The following WWC2 variants were observed in gnomAD, a reference collection of about 807,000 sequenced individuals.
The protein encoded by WWC2 is WW and C2 domain containing 2.
In WWC2, 101 loss-of-function variants were observed where a neutral mutation model predicts 138.5. The observed-to-expected ratio is 0.73, with a 90% confidence interval of 0.62 to 0.86. The LOEUF (loss-of-function observed/expected upper bound fraction) is 0.86, where lower values mean the gene tolerates loss of function less well. Ranked by LOEUF, WWC2 falls within the 40% of genes least tolerant of loss-of-function variation. WWC2 has a pLI of 0.00. For missense variants in WWC2, 1,420 were observed against 1,419.4 expected (o/e 1.00, Z -0.01); for synonymous variants, 558 against 538.4 (o/e 1.04, Z -0.50).
chr4:183,222,248 A>G (rs1735955245), intron 4 of WWC2, among the ~76,000 whole-genome samples: 1 of 152,156 alleles, frequency 6.6e-6, no homozygotes, highest in Non-Finnish European at 1.5e-5. Context: ...TGTGCCATTT[A>G]TTATAAATAA....
intron 4 of WWC2, among the ~76,000 whole-genome samples, chr4:183,229,392 G>A (rs1038614937): frequency 3.3e-5 from 5 of 152,044 alleles, no homozygotes; most frequent in Non-Finnish European, 7.3e-5. Context: ...TAACCCTGGT[G>A]GTTTGAACAT....
intron 2 of WWC2, among the ~76,000 whole-genome samples, chr4:183,205,465 T>C (rs1374620698): frequency 6.6e-6 from 1 of 152,222 alleles, no homozygotes; most frequent in African/African-American, 2.4e-5. Flanking sequence ...GATCTGTTTC[T>C]ATTGACTGAT....
intron 1 of WWC2, among the ~76,000 whole-genome samples, chr4:183,163,875 A>G (rs1050844224): frequency 1.3e-5 from 2 of 152,162 alleles, no homozygotes; most frequent in African/African-American, 4.8e-5. Flanking sequence ...TTGAATCATC[A>G]AATAAGGTGG....
At chr4:183,137,314 AC>A (rs1456604416) in intron 1 of WWC2, among the ~76,000 whole-genome samples, 3 of 152,222 alleles carry the variant, frequency 2.0e-5, no homozygotes, top group Non-Finnish European at 2.9e-5. Flanking sequence ...CACATTGTAC[AC>A]CTGTTCAAAA....
intron 21 of WWC2, among the ~76,000 whole-genome samples, chr4:183,298,022 A>G (rs1560893155): frequency 6.6e-6 from 1 of 152,198 alleles, no homozygotes; most frequent in Non-Finnish European, 1.5e-5. Flanking sequence ...AGTCCACCAG[A>G]CCCTGCAGAG....
chr4:183,178,571 C>T (rs963592858), intron 1 of WWC2, among the ~76,000 whole-genome samples: 1 of 150,188 alleles, frequency 6.7e-6, no homozygotes, highest in African/African-American at 2.5e-5. Context: ...GCTGTGCTGC[C>T]CAGTCTCTTT....
At position 183,261,420 on chromosome 4, in the gene WWC2, C is replaced by CAAATCAAAATCAAA; in HGVS notation, c.1798_1799insAATCAAAATCAAAA (p.Ile600LysfsTer53). On this transcript the variant is annotated frameshift_variant, in exon 11 of 23. Transcript: ENST00000403733. LOFTEE classifies it high-confidence loss of function. Reference sequence around the variant, plus strand: ...GTAGCCATTTTGCAGATATCAGCCTCATCGAAAATCAGATTTTGCTGGATT... The same window carrying CAAATCAAAATCAAA: ...GTAGCCATTTTGCAGATATCAGCCTCAAATCAAAATCAAAATCGAAAATCAGATTTTGCTGGATT... 1 of 1,612,626 alleles carries CAAATCAAAATCAAA rather than the reference C, an allele frequency of 6.2e-7. No individual in the cohort carries two copies. The highest frequency in any genetic ancestry group is 8.5e-7 in the Non-Finnish European group (1 of 1,179,274).
intron 4 of WWC2, among the ~76,000 whole-genome samples, chr4:183,220,045 A>G (rs746841557): frequency 6.6e-6 from 1 of 152,174 alleles, no homozygotes; most frequent in Non-Finnish European, 1.5e-5. Context: ...GTTTAAATGT[A>G]CCATTGCTGG....
At chr4:183,240,340 T>A in intron 5 of WWC2, 78 bp downstream of exon 5, 1 of 1,134,084 alleles carries the variant, frequency 8.8e-7, no homozygotes, top group Non-Finnish European at 1.2e-6. Flanking sequence ...GAAGTACAGA[T>A]TACATAAGCG....
At chr4:183,253,132 G>T (rs958545210) in intron 8 of WWC2, among the ~76,000 whole-genome samples, 2 of 152,076 alleles carry the variant, frequency 1.3e-5, no homozygotes. Flanking sequence ...CGTGCTGCTT[G>T]TCCTCCCAAA....
chr4:183,317,924 TTAATA>T lies in WWC2; in HGVS notation c.*2200_*2204del, dbSNP rs1468473528. 2 of 152,320 alleles carry T rather than the reference TTAATA, an allele frequency of 1.3e-5. No homozygotes were observed. The highest frequency in any genetic ancestry group is 2.9e-5 in the Non-Finnish European group (2 of 68,010). 9.4% of individuals were successfully genotyped at this position (152,320 alleles called of 1,614,324 possible). The stretch of plus-strand genomic sequence containing the variant: ...TTCTAACATGAGAGATGAACTTATT[TTAATA>T]TAATCCTTTTTCTACACTTTAAAAG... On this transcript the variant is annotated 3_prime_UTR_variant, in exon 23 of 23. Coordinates refer to ENST00000403733, the MANE Select transcript of WWC2 (RefSeq NM_024949.6).
chr4:183,179,637 A>G (rs1274239744), intron 1 of WWC2, among the ~76,000 whole-genome samples: 1 of 152,054 alleles, frequency 6.6e-6, no homozygotes, highest in African/African-American at 2.4e-5. Context: ...TGATGGTGCC[A>G]TTTTCCAAAC....
intron 1 of WWC2, among the ~76,000 whole-genome samples, chr4:183,149,671 T>TC (rs1491557888): frequency 2.3e-5 from 3 of 128,132 alleles, no homozygotes; most frequent in Admixed American, 7.4e-5. Context: ...AGCTTCTCTC[T>TC]TTTTTTTTTT....
intron 6 of WWC2, among the ~76,000 whole-genome samples, 178 bp downstream of exon 6, chr4:183,245,723 G>A (rs1304667368): frequency 6.6e-6 from 1 of 152,198 alleles, no homozygotes; most frequent in Non-Finnish European, 1.5e-5. Context: ...TGCCTTGGAG[G>A]AGAGCAGAGT....
intron 1 of WWC2, among the ~76,000 whole-genome samples, chr4:183,159,743 T>G (rs1480074960): frequency 2.6e-5 from 4 of 151,564 alleles, no homozygotes; most frequent in African/African-American, 7.3e-5. Flanking sequence ...AAAAAAAAAT[T>G]GTTTACAATA....
At chr4:183,208,310 C>T (rs1387228292) in intron 3 of WWC2, among the ~76,000 whole-genome samples, 154 bp downstream of exon 3, 1 of 152,200 alleles carries the variant, frequency 6.6e-6, no homozygotes, top group East Asian at 1.9e-4. Context: ...GGGCACACCC[C>T]AGATTTTCTC....
chr4:183,226,659 AAAAC>A (rs1049423216), intron 4 of WWC2, among the ~76,000 whole-genome samples: 13 of 152,068 alleles, frequency 8.5e-5, no homozygotes, highest in Admixed American at 2.0e-4. Flanking sequence ...TAAAAGCTAG[AAAAC>A]AAACAAACAA....
At chr4:183,115,106 T>C (rs201000967) in intron 1 of WWC2, among the ~76,000 whole-genome samples, 1 of 152,218 alleles carries the variant, frequency 6.6e-6, no homozygotes, top group Non-Finnish European at 1.5e-5. Flanking sequence ...TTCCCACTTA[T>C]AAGTGAGAAC....
chr4:183,254,889 C>T (rs570884968), intron 9 of WWC2, among the ~76,000 whole-genome samples: 8 of 152,222 alleles, frequency 5.3e-5, no homozygotes, highest in Middle Eastern at 3.4e-3. Context: ...AAAATTGTGG[C>T]GTCTTGCCTT....
Sources: gnomAD v4.1 joint callset for allele counts (sites outside exome capture counted in the v4.1 genomes callset) on GRCh38, gnomAD v4.1.1 for gene constraint, MANE v1.5 for transcripts, NCBI Gene and HGNC (gene_info 2026-07-23, HGNC 2026-07-21) for gene names.